Variants in CFAP45 observed in about 807,000 individuals in gnomAD.
CFAP45 encodes cilia- and flagella-associated protein 45.
A neutral mutation model predicts 75.6 loss-of-function variants in CFAP45; 43 were observed. That is an observed-to-expected ratio of 0.57 (90% CI 0.45 to 0.73). The LOEUF is 0.73. CFAP45 is among the 30% of genes least tolerant of loss of function. The probability of loss-of-function intolerance (pLI) is 0.00; values close to 1 mark genes in which losing one functional copy is unlikely to be tolerated. For synonymous variants in CFAP45, 223 were observed against 244.6 expected (o/e 0.91, Z 0.82); for missense variants, 689 against 701.5 (o/e 0.98, Z 0.20).
At position 159,884,523 on chromosome 1, in the gene CFAP45, C is replaced by T. The variant is rs1188427550; in HGVS notation, c.810G>A (p.Glu270=). The T allele has an allele frequency of 1.2e-6, 2 of 1,613,870 alleles. No homozygotes were observed. The highest frequency in any genetic ancestry group is 1.7e-5 in the Admixed American group (1 of 59,988). Residue 270 remains glutamate, a synonymous_variant, in exon 7 of 12, where the codon GAG becomes GAA. Transcript: ENST00000368099. The stretch of plus-strand genomic sequence containing the variant: ...GCTGCTCAGCAAGCAGCGATCGCTC[C>T]TCCTGGTTCTTTTCCATCTGTTCCA... ...QIVEQMEKNQ[E]ERSLLAEQRE...
chr1:159,873,198 C>T (rs929168719), intron 10 of CFAP45, 30 bp from the exon 11 acceptor site: 2 of 1,595,002 alleles, frequency 1.3e-6, no homozygotes, highest in Non-Finnish European at 1.7e-6. Flanking sequence ...ATGGAATGAA[C>T]TCAGCTGAGC....
chr1:159,891,871 C>T (rs1319304189), intron 2 of CFAP45, among the ~76,000 whole-genome samples: 1 of 152,210 alleles, frequency 6.6e-6, no homozygotes, highest in Admixed American at 6.5e-5. Flanking sequence ...CTGATAGCCC[C>T]CTTTTGCCAG....
In CFAP45 at chr1:159,876,700, C is replaced by A. The variant is rs778198689; in HGVS notation, c.1208G>T (p.Arg403Leu). The change falls in exon 10 of 12, where the codon CGC (arginine) becomes CTC (leucine). Residue 403 changes from arginine to leucine, a missense_variant. By Grantham distance (102) the Arg-to-Leu change is moderately radical. Transcript: ENST00000368099. ...RNQEVADREW[R>L]RKEKENARKK... ...CCGCGCATTTTCCTTTTCCTTTCTG[C>A]GCCACTCTCTGTCTGCAACCTCCTG... 6.2e-7 allele frequency: 1 copy of A among 1,614,170 alleles called. No individual in the cohort carries two copies. Among genetic ancestry groups the A allele is most frequent in the South Asian group, 1.1e-5 (1 of 91,080 alleles).
At position 159,873,117 on chromosome 1, in the gene CFAP45, G is replaced by A; in HGVS notation, c.1404C>T (p.Ala468=). The A allele has an allele frequency of 6.2e-7, 1 of 1,614,112 alleles. No individual in the cohort carries two copies. The highest frequency in any genetic ancestry group is 8.5e-7 in the Non-Finnish European group (1 of 1,180,022). ...EKERLEEEKK[A]TGRLQHANEL... ...CATTGGCATGCTGTAAGCGCCCTGT[G>A]GCCTTTTTCTCCTCCTCCAGCCGCT... is the stretch of plus-strand genomic sequence containing the variant. Residue 468 remains alanine, a synonymous_variant, in exon 11 of 12, where the codon GCC becomes GCT. Transcript: ENST00000368099.
Position 159,872,514 on chromosome 1 carries a change from T to G in CFAP45, c.1627A>C (p.Asn543His). 6.2e-7 allele frequency: 1 copy of G among 1,614,150 alleles called. No individual in the cohort carries two copies. The highest frequency in any genetic ancestry group is 8.5e-7 in the Non-Finnish European group (1 of 1,180,010). ...TTCACAGAGGTAGCTGGCAGGATGT[T>G]AGCTTTGCGCTCAGCTTCAATGCAG... ...KYCIEAERKANILPATSVN is the reference protein window; with the variant it reads ...KYCIEAERKAHILPATSVN Residue 543 changes from asparagine to histidine, a missense_variant, in exon 12 of 12, where the codon AAC (asparagine) becomes CAC (histidine). Transcript: ENST00000368099.
In CFAP45 at chr1:159,900,073, GCCCATC is replaced by G; in HGVS notation, c.3+17_3+22del. On this transcript the variant is annotated intron_variant, in intron 1 of 11. Transcript: ENST00000368099. The stretch of plus-strand genomic sequence containing the variant: ...CCCCACCCAATTCAGGACACAAGGG[GCCCATC>G]TGAGGTTCTCCCTCACCATCTCCTC... 6.2e-7 allele frequency: 1 copy of G among 1,613,932 alleles called. No homozygotes were observed. Among genetic ancestry groups the G allele is most frequent in the Non-Finnish European group, 8.5e-7 (1 of 1,179,844 alleles).
intron 7 of CFAP45, among the ~76,000 whole-genome samples, chr1:159,884,191 T>C (rs986053573): frequency 2.6e-5 from 4 of 152,236 alleles, no homozygotes; most frequent in African/African-American, 9.6e-5. Context: ...CACAGTGATA[T>C]GTCAGTCTTG....
intron 5 of CFAP45, 68 bp downstream of exon 5, chr1:159,887,773 C>G (rs1419224260): frequency 5.8e-6 from 7 of 1,214,162 alleles, no homozygotes; most frequent in Non-Finnish European, 8.0e-6. Context: ...TTGTCCAGTG[C>G]GGGAATAAGG....
intron 10 of CFAP45, among the ~76,000 whole-genome samples, chr1:159,875,176 T>C (rs867745069): frequency 4.6e-5 from 7 of 152,244 alleles, no homozygotes; most frequent in African/African-American, 1.4e-4. Context: ...AAAGGAAAGA[T>C]AAATGGGTCG....
intron 3 of CFAP45, among the ~76,000 whole-genome samples, chr1:159,889,068 A>G (rs1001035133): frequency 6.6e-5 from 10 of 152,184 alleles, no homozygotes; most frequent in African/African-American, 2.4e-4. Flanking sequence ...AGGTTGATAT[A>G]GATGCTAGTT....
intron 2 of CFAP45, among the ~76,000 whole-genome samples, chr1:159,891,232 C>T (rs756200867): frequency 6.6e-6 from 1 of 152,166 alleles, no homozygotes; most frequent in Non-Finnish European, 1.5e-5. Flanking sequence ...GAAAGATTTT[C>T]CTTTATGAAA....
chr1:159,899,410 A>C (rs1469892546), intron 1 of CFAP45, among the ~76,000 whole-genome samples: 1 of 148,008 alleles, frequency 6.8e-6, no homozygotes, highest in Non-Finnish European at 1.5e-5. Context: ...TCACCTTGCT[A>C]GTTAGTGGCA....
Position 159,887,878 on chromosome 1 carries a change from C to T in CFAP45, c.551G>A (p.Arg184Gln), listed in dbSNP as rs371524691. Residue 184 changes from arginine to glutamine, a missense_variant, in exon 5 of 12, where the codon CGG becomes CAG. Physicochemically the swap from Arg to Gln is conservative, Grantham distance 43. Coordinates refer to ENST00000368099, the MANE Select transcript of CFAP45 (RefSeq NM_012337.3). ...QNLLQRANKL[R>Q]MEQEEELKDM... ...CTTGAGCTCCTCCTCCTGCTCCATC[C>T]GCAGCTTGTTGGCTCTCTGCAGGAG... The T allele has an allele frequency of 1.7e-5, 27 of 1,613,982 alleles. No individual in the cohort carries two copies. Among genetic ancestry groups the T allele is most frequent in the African/African-American group, 2.7e-5 (2 of 74,942 alleles).
chr1:159,882,100 C>A (rs768119627), intron 7 of CFAP45, among the ~76,000 whole-genome samples: 2 of 152,194 alleles, frequency 1.3e-5, no homozygotes, highest in African/African-American at 4.8e-5. Context: ...GCTTCTGAAC[C>A]AGAGCGGTAT....
intron 7 of CFAP45, 114 bp downstream of exon 7, chr1:159,884,322 G>A: frequency 9.1e-7 from 1 of 1,098,802 alleles, no homozygotes; most frequent in Non-Finnish European, 1.3e-6. Context: ...TGATGATGTT[G>A]TGAAATGAGC....
intron 8 of CFAP45, among the ~76,000 whole-genome samples, chr1:159,879,749 C>G (rs528698075): frequency 2.8e-4 from 42 of 152,310 alleles, no homozygotes; most frequent in African/African-American, 9.9e-4. Context: ...ACACCCTCCC[C>G]CTGGCCTTCT....
rs1410312063 is a variant in CFAP45, at chr1:159,886,597, C to T, written c.681G>A (p.Arg227=). The change falls in exon 6 of 12, where the codon CGG becomes CGA. Residue 227 remains arginine, a synonymous_variant. Transcript: ENST00000368099. ...IQKELDTEEK[R]LDQMMEVERQ... ...GCTCCACTTCCATCATCTGATCCAA[C>T]CGCTTCTCTTCTGTGTCCAGTTCTT... 2 of 1,614,068 alleles carry T rather than the reference C, an allele frequency of 1.2e-6. No individual in the cohort carries two copies. The highest frequency in any genetic ancestry group is 2.2e-5 in the East Asian group (1 of 44,900).
intron 11 of CFAP45, 84 bp downstream of exon 11, chr1:159,872,860 C>A (rs532756503): frequency 7.2e-7 from 1 of 1,380,520 alleles, no homozygotes; most frequent in African/African-American, 1.4e-5. Flanking sequence ...CCCTTCACCC[C>A]CAAATCCCCA....
chr1:159,887,737 G>C, intron 5 of CFAP45, 104 bp downstream of exon 5: 1 of 1,066,468 alleles, frequency 9.4e-7, no homozygotes, highest in Non-Finnish European at 1.4e-6. Context: ...CCCCACCCCT[G>C]CCCACACCCC....
Sources: gnomAD v4.1 joint callset for allele counts (sites outside exome capture counted in the v4.1 genomes callset) on GRCh38, gnomAD v4.1.1 for gene constraint, MANE v1.5 for transcripts, NCBI Gene and HGNC (gene_info 2026-07-23, HGNC 2026-07-21) for gene names.